Variants in PARD3B observed in about 807,000 individuals in gnomAD.
The protein encoded by PARD3B is par-3 family cell polarity regulator beta.
In PARD3B, 103 loss-of-function variants were observed where a neutral mutation model predicts 130.2. The observed-to-expected ratio is 0.79, with a 90% CI of 0.67 to 0.93. The LOEUF is 0.93. Ranked by LOEUF, PARD3B falls within the 40% of genes least tolerant of loss-of-function variation. The probability of loss-of-function intolerance (pLI) is 0.00; values close to 1 mark genes in which losing one functional copy is unlikely to be tolerated. For missense variants in PARD3B, 1,609 were observed against 1,499.2 expected (o/e 1.07, Z -1.21); for synonymous variants, 583 against 553.2 (o/e 1.05, Z -0.76).
intron 15 of PARD3B, among the ~76,000 whole-genome samples, chr2:205,227,857 G>A (rs1008450294): frequency 1.3e-5 from 2 of 151,856 alleles, no homozygotes; most frequent in African/African-American, 4.8e-5. Flanking sequence ...TCCGTTGTAT[G>A]TTTTTGATTT....
intron 2 of PARD3B, among the ~76,000 whole-genome samples, chr2:204,747,718 A>G (rs189675140): frequency 6.6e-6 from 1 of 152,310 alleles, no homozygotes; most frequent in Non-Finnish European, 1.5e-5. Flanking sequence ...TGGTACTGGT[A>G]CCAAAACAGA....
intron 10 of PARD3B, among the ~76,000 whole-genome samples, chr2:205,131,549 A>G (rs996842656): frequency 3.3e-5 from 5 of 152,228 alleles, no homozygotes; most frequent in Non-Finnish European, 5.9e-5. Flanking sequence ...CTTCTAGCCC[A>G]TAAAGAAAAG....
intron 18 of PARD3B, among the ~76,000 whole-genome samples, chr2:205,313,260 G>A (rs924941904): frequency 5.9e-5 from 9 of 152,168 alleles, no homozygotes; most frequent in African/African-American, 2.2e-4. Flanking sequence ...GATGGGCTGA[G>A]TACAAAGACA....
At chr2:204,653,668 G>A (rs2035555868) in intron 1 of PARD3B, among the ~76,000 whole-genome samples, 1 of 150,212 alleles carries the variant, frequency 6.7e-6, no homozygotes, top group South Asian at 2.1e-4. Flanking sequence ...GCGGGCGCCT[G>A]TAGTCCCAGC....
intron 2 of PARD3B, among the ~76,000 whole-genome samples, chr2:204,729,984 TACACACACACACAAACACACACAC>T (rs1292387751): frequency 1.2e-5 from 1 of 81,730 alleles, no homozygotes; most frequent in Non-Finnish European, 2.7e-5. Context: ...TAGTTACAGA[TACACACACACACAAACACACACAC>T]ACACACACAC....
intron 7 of PARD3B, among the ~76,000 whole-genome samples, chr2:205,119,925 A>C (rs2030464899): frequency 6.6e-6 from 1 of 152,138 alleles, no homozygotes; most frequent in Non-Finnish European, 1.5e-5. Context: ...TTGGCATTGC[A>C]GTGGGATTCT....
chr2:204,726,709 A>G (rs1286958594), intron 2 of PARD3B, among the ~76,000 whole-genome samples: 1 of 152,130 alleles, frequency 6.6e-6, no homozygotes, highest in Non-Finnish European at 1.5e-5. Context: ...TCTCCTACCC[A>G]AGGCTAATTT....
intron 10 of PARD3B, among the ~76,000 whole-genome samples, chr2:205,134,840 A>G (rs1382191101): frequency 6.6e-6 from 1 of 151,994 alleles, no homozygotes; most frequent in Non-Finnish European, 1.5e-5. Flanking sequence ...GCTGGGTTGT[A>G]TGGCTTCCAG....
intron 2 of PARD3B, among the ~76,000 whole-genome samples, chr2:204,696,146 A>T (rs1331224570): frequency 6.6e-6 from 1 of 151,834 alleles, no homozygotes; most frequent in Non-Finnish European, 1.5e-5. Context: ...AACAATAGGG[A>T]GTATCGGGGG....
chr2:204,956,131 C>T (rs952772678), intron 2 of PARD3B, among the ~76,000 whole-genome samples: 2 of 152,180 alleles, frequency 1.3e-5, no homozygotes, highest in African/African-American at 4.8e-5. Flanking sequence ...GGAGAATGAT[C>T]TTTGCAGAAA....
intron 20 of PARD3B, among the ~76,000 whole-genome samples, chr2:205,484,987 C>T (rs2049383300): frequency 6.6e-6 from 1 of 152,176 alleles, no homozygotes; most frequent in African/African-American, 2.4e-5. Flanking sequence ...TGATATTCGA[C>T]AACTCATTCA....
chr2:205,046,356 G>A lies in PARD3B; in HGVS notation c.395-1225G>A, dbSNP rs547557656. On this transcript the variant is annotated intron_variant, in intron 3 of 22. Coordinates refer to ENST00000406610, the MANE Select transcript of PARD3B (RefSeq NM_001302769.2). ...ATGTTTGGGATGGAGGTGGAGGGAT[G>A]GTGAAAAATGTAGTGATGTCTCTTA... Among the ~76,000 whole-genome samples, 5 of 151,884 alleles carry A rather than the reference G, an allele frequency of 3.3e-5. No individual in the cohort carries two copies. In the South Asian group the frequency reaches 1.0e-3, roughly 32 times the overall value.
At chr2:204,760,289 T>C (rs1481473603) in intron 2 of PARD3B, among the ~76,000 whole-genome samples, 1 of 152,102 alleles carries the variant, frequency 6.6e-6, no homozygotes, top group Non-Finnish European at 1.5e-5. Context: ...GAAATTAATA[T>C]TTATTTTTGA....
In PARD3B at chr2:204,610,446, C is replaced by G. The variant is rs551780718; in HGVS notation, c.120+64327C>G. ...TCTTGGCTTACTGCAACCTCGACCT[C>G]CCATGTTAAAGCGATTCTCCTGCGT... On this transcript the variant is annotated intron_variant, in intron 1 of 22. Transcript: ENST00000406610. The surrounding 1 kb of genome is among the most constrained non-coding windows in gnomAD (Gnocchi z 4.1). 6.6e-6 allele frequency among the ~76,000 whole-genome samples: 1 copy of G among 152,276 alleles called. No individual in the cohort carries two copies. The highest frequency in any genetic ancestry group is 6.5e-5 in the Admixed American group (1 of 15,288).
chr2:204,987,949 T>C (rs1304755494), intron 3 of PARD3B, among the ~76,000 whole-genome samples: 2 of 151,964 alleles, frequency 1.3e-5, no homozygotes, highest in Non-Finnish European at 2.9e-5. Context: ...GGAAAGGGAT[T>C]GTTGATGTGG....
At chr2:205,444,125 G>A (rs530659212) in intron 20 of PARD3B, among the ~76,000 whole-genome samples, 3 of 152,234 alleles carry the variant, frequency 2.0e-5, no homozygotes, top group Admixed American at 6.5e-5. Context: ...TGGGACTACC[G>A]GCACAAGCCA....
At chr2:204,833,883 C>T (rs945903989) in intron 2 of PARD3B, among the ~76,000 whole-genome samples, 2 of 152,156 alleles carry the variant, frequency 1.3e-5, no homozygotes, top group African/African-American at 4.8e-5. Flanking sequence ...ACGTGACCCA[C>T]AAGCCCGGAG....
chr2:205,617,330 C>G lies in PARD3B; in HGVS notation c.*1517C>G, dbSNP rs1226484762. 1 of 152,032 alleles carries G rather than the reference C, an allele frequency of 6.6e-6. No homozygotes were observed. The highest frequency in any genetic ancestry group is 1.5e-5 in the Non-Finnish European group (1 of 68,032). The allele number at this position is 152,032 out of a possible 1,614,324, so 9.4% of individuals were successfully genotyped here. A position where few individuals can be genotyped will look rare whatever the true frequency, so the allele number is the denominator to read the frequency against. On this transcript the variant is annotated 3_prime_UTR_variant, in exon 23 of 23. Coordinates refer to ENST00000406610, the MANE Select transcript of PARD3B (RefSeq NM_001302769.2). The stretch of plus-strand genomic sequence containing the variant: ...AAATGCTTTAAGCCTTTTCACATTC[C>G]TTCTTTATTCCCTCCAAAAAAAAAA...
chr2:205,456,235 A>G (rs1159303556), intron 20 of PARD3B, among the ~76,000 whole-genome samples: 1 of 152,050 alleles, frequency 6.6e-6, no homozygotes, highest in African/African-American at 2.4e-5. Flanking sequence ...CATGCTATGG[A>G]TGTACCATTT....
Sources: allele counts gnomAD v4.1 joint callset (sites outside exome capture counted in the v4.1 genomes callset), GRCh38; gene constraint gnomAD v4.1.1; non-coding constraint Gnocchi (gnomAD v3.1); transcripts MANE v1.5; gene names NCBI Gene and HGNC (gene_info 2026-07-23, HGNC 2026-07-21).